Variants in CLMP observed in about 807,000 individuals in gnomAD.
CLMP encodes CXADR like cell adhesion molecule.
CLMP carries 27 observed loss-of-function variants against 45.2 expected under a neutral mutation model. The ratio of observed to expected loss-of-function variants is 0.60; its 90% CI spans 0.44 to 0.82. The LOEUF is 0.82. Ranked by LOEUF, CLMP falls within the 40% of genes least tolerant of loss-of-function variation. The pLI is 0.00. For synonymous variants in CLMP, 167 were observed against 171.4 expected, an observed-to-expected ratio of 0.97 and a Z score of 0.20; for missense variants, 403 against 448.4, an observed-to-expected ratio of 0.90 and a Z score of 0.91.
intron 1 of CLMP, among the ~76,000 whole-genome samples, chr11:123,130,814 C>T (rs554747345): frequency 3.0e-4 from 45 of 151,922 alleles, no homozygotes; most frequent in African/African-American, 1.1e-3. Flanking sequence ...GTTTTCCTTC[C>T]CCAAATGGAA....
chr11:123,179,341 T>G (rs1354637018), intron 1 of CLMP, among the ~76,000 whole-genome samples: 1 of 152,140 alleles, frequency 6.6e-6, no homozygotes, highest in African/African-American at 2.4e-5. Flanking sequence ...TTCTATTGGG[T>G]GGAGGCGGGA....
chr11:123,089,648 G>T (rs1203932081), intron 2 of CLMP, among the ~76,000 whole-genome samples: 1 of 150,752 alleles, frequency 6.6e-6, no homozygotes, highest in East Asian at 2.0e-4. Context: ...GTGGTGGCGG[G>T]CGCCCGTAGT....
chr11:123,105,383 C>CCCTTCCTTCCTT (rs1238338664), intron 1 of CLMP, among the ~76,000 whole-genome samples: 3 of 51,874 alleles, frequency 5.8e-5, no homozygotes, highest in African/African-American at 2.3e-4. Context: ...CTCCCTCCCT[C>CCCTTCCTTCCTT]CCTTCCTTCC....
chr11:123,154,412 T>C lies in CLMP; in HGVS notation c.28+40501A>G, dbSNP rs375126466. Among the ~76,000 whole-genome samples the C allele has an allele frequency of 3.6e-4, 55 of 152,372 alleles. 3 individuals carry two copies. The East Asian group carries it at 5.0e-3, about 14-fold the overall frequency. ...AGGCCACCTAGGCAATGGCCTGTTCTGTGGTGTTGATGAGCCACATTTAGG... is the reference window on the plus strand; with the variant it reads ...AGGCCACCTAGGCAATGGCCTGTTCCGTGGTGTTGATGAGCCACATTTAGG... On this transcript the variant is annotated intron_variant, in intron 1 of 6. Coordinates refer to ENST00000448775, the MANE Select transcript of CLMP (RefSeq NM_024769.5).
chr11:123,109,367 C>T (rs941615202), intron 1 of CLMP, among the ~76,000 whole-genome samples: 2 of 151,430 alleles, frequency 1.3e-5, no homozygotes, highest in African/African-American at 4.9e-5. Context: ...CATTTGTTAT[C>T]GATCTGAGCC....
intron 1 of CLMP, among the ~76,000 whole-genome samples, chr11:123,123,490 T>G (rs1860847795): frequency 6.6e-6 from 1 of 152,094 alleles, no homozygotes; most frequent in Admixed American, 6.6e-5. Flanking sequence ...ACTGCTGGCC[T>G]CAAGTGATCT....
At position 123,083,929 on chromosome 11, in the gene CLMP, T is replaced by A. The variant is rs564648902; in HGVS notation, c.389-82A>T. 27 of 1,508,922 alleles carry A rather than the reference T, an allele frequency of 1.8e-5. No individual in the cohort carries two copies. In the African/African-American group the frequency reaches 3.7e-4, roughly 21 times the overall value. The allele number at this position is 1,508,922 out of a possible 1,614,324, so 93.5% of individuals were successfully genotyped here. The stretch of plus-strand genomic sequence containing the variant: ...ATTCAATGGAAAAATTATGTCCTAT[T>A]GAGTTGCTTCTCCAGCCATCTGTTT... On this transcript the variant is annotated intron_variant, in intron 3 of 6. Transcript: ENST00000448775.
At chr11:123,129,594 TA>T (rs1176848634) in intron 1 of CLMP, among the ~76,000 whole-genome samples, 5 of 141,034 alleles carry the variant, frequency 3.5e-5, no homozygotes, top group African/African-American at 1.3e-4. Context: ...TGTAATTATA[TA>T]GTATATAATA....
At chr11:123,136,255 C>T in intron 1 of CLMP, 1 of 653,168 alleles carries the variant, frequency 1.5e-6, no homozygotes. Context: ...ATTTTTCCAC[C>T]ATAGATCCCG....
intron 1 of CLMP, among the ~76,000 whole-genome samples, chr11:123,103,349 T>C (rs1242236841): frequency 6.6e-6 from 1 of 152,148 alleles, no homozygotes; most frequent in Non-Finnish European, 1.5e-5. Flanking sequence ...ATACAATAGA[T>C]ACTTAAACAT....
chr11:123,189,653 T>G (rs540563186), intron 1 of CLMP, among the ~76,000 whole-genome samples: 2 of 152,288 alleles, frequency 1.3e-5, no homozygotes, highest in South Asian at 4.1e-4. Context: ...AGGCAAGGAA[T>G]CCATTAAGCT....
intron 1 of CLMP, among the ~76,000 whole-genome samples, chr11:123,106,419 G>GCGCGCA (rs1860554372): frequency 9.8e-6 from 1 of 102,530 alleles, no homozygotes; most frequent in Non-Finnish European, 2.0e-5. Context: ...GTGTGTGTGT[G>GCGCGCA]TGTGTGCGCG....
intron 1 of CLMP, among the ~76,000 whole-genome samples, chr11:123,153,813 G>T (rs1018622514): frequency 2.7e-5 from 4 of 150,132 alleles, no homozygotes; most frequent in Non-Finnish European, 5.9e-5. Context: ...CTTCTTAGTA[G>T]CTGGGACTAC....
intron 1 of CLMP, among the ~76,000 whole-genome samples, chr11:123,132,865 C>T (rs1412432502): frequency 6.6e-6 from 1 of 151,934 alleles, no homozygotes; most frequent in East Asian, 1.9e-4. Context: ...CTGCAACCTC[C>T]ACCTCCCAGG....
intron 2 of CLMP, among the ~76,000 whole-genome samples, chr11:123,092,138 C>A (rs1865937497): frequency 6.6e-6 from 1 of 152,124 alleles, no homozygotes; most frequent in Non-Finnish European, 1.5e-5. Context: ...CCTTTCTCGA[C>A]TCCCCAGTTA....
intron 5 of CLMP, among the ~76,000 whole-genome samples, chr11:123,080,438 C>G (rs1445618640): frequency 6.6e-6 from 1 of 151,842 alleles, no homozygotes; most frequent in Non-Finnish European, 1.5e-5. Flanking sequence ...AGTGATTCTC[C>G]TGCCTTGGCC....
intron 1 of CLMP, among the ~76,000 whole-genome samples, chr11:123,109,077 AAAAG>A (rs1230104989): frequency 9.9e-5 from 15 of 151,426 alleles, no homozygotes; most frequent in Middle Eastern, 6.8e-3. Flanking sequence ...AAAAAAAAAA[AAAAG>A]AAAGAAAGAA....
chr11:123,180,985 G>A (rs530553592), intron 1 of CLMP, among the ~76,000 whole-genome samples: 24 of 152,212 alleles, frequency 1.6e-4, no homozygotes, highest in African/African-American at 5.5e-4. Flanking sequence ...GGGGCCCGGG[G>A]TGTGTGCATG....
At position 123,089,321 on chromosome 11, in the gene CLMP, T is replaced by G. The variant is rs189270695; in HGVS notation, c.187-4608A>C. Reference sequence around the variant, plus strand: ...AATTGCTTGAGCCCAGGAGACGAAGTTTGCAGTGAGCCGAGATCATGCCAC... The same window carrying G: ...AATTGCTTGAGCCCAGGAGACGAAGGTTGCAGTGAGCCGAGATCATGCCAC... On this transcript the variant is annotated intron_variant, in intron 2 of 6. Coordinates refer to ENST00000448775, the MANE Select transcript of CLMP (RefSeq NM_024769.5). Among the ~76,000 whole-genome samples the G allele has an allele frequency of 2.1e-3, 325 of 151,386 alleles. 1 individual carries two copies. The highest frequency in any genetic ancestry group is 7.5e-3 in the African/African-American group (311 of 41,280).
Sources: allele counts gnomAD v4.1 joint callset (sites outside exome capture counted in the v4.1 genomes callset), GRCh38; gene constraint gnomAD v4.1.1; transcripts MANE v1.5; gene names NCBI Gene and HGNC (gene_info 2026-07-23, HGNC 2026-07-21).